HIVEP3: variants seen among roughly 807,000 people sequenced by gnomAD.
HIVEP3 encodes the protein HIVEP zinc finger 3.
Under a neutral mutation model 152.8 loss-of-function variants are expected in HIVEP3, and 49 were observed. The ratio of observed to expected loss-of-function variants is 0.32; its 90% CI spans 0.26 to 0.41. HIVEP3 has a LOEUF of 0.41. HIVEP3 is among the 10% of genes least tolerant of loss of function. The pLI is 1.00. For missense variants in HIVEP3, 2,790 were observed against 3,103.3 expected, an observed-to-expected ratio of 0.90 and a Z score of 2.40; for synonymous variants, 1,269 against 1,289.0, an observed-to-expected ratio of 0.98 and a Z score of 0.33.
At chr1:42,007,149 T>C (rs1226478772) in intron 1 of HIVEP3, among the ~76,000 whole-genome samples, 2 of 152,150 alleles carry the variant, frequency 1.3e-5, no homozygotes, top group Admixed American at 6.5e-5. Context: ...CTTGGGTCTA[T>C]GCCCTCTGCT....
At chr1:41,865,335 T>G (rs1486933210) in intron 1 of HIVEP3, among the ~76,000 whole-genome samples, 1 of 152,210 alleles carries the variant, frequency 6.6e-6, no homozygotes, top group Non-Finnish European at 1.5e-5. Context: ...AGCCCACCTG[T>G]CAAATGCCAT....
chr1:41,794,053 G>A (rs1208494770), intron 1 of HIVEP3, among the ~76,000 whole-genome samples: 3 of 152,168 alleles, frequency 2.0e-5, no homozygotes, highest in Admixed American at 1.3e-4. Flanking sequence ...AAGTAATCCT[G>A]TATTAGTCAG....
intron 2 of HIVEP3, among the ~76,000 whole-genome samples, chr1:41,655,505 C>T (rs1645614668): frequency 6.8e-6 from 1 of 146,508 alleles, no homozygotes; most frequent in African/African-American, 2.6e-5. Flanking sequence ...ATTGCTTGAA[C>T]CCAGGAGGCG....
chr1:41,596,461 A>T (rs1032384437), intron 3 of HIVEP3, among the ~76,000 whole-genome samples: 2 of 152,158 alleles, frequency 1.3e-5, no homozygotes, highest in Non-Finnish European at 2.9e-5. Flanking sequence ...GAAGCCTGGG[A>T]TGTCTGCCTT....
chr1:41,829,084 G>A (rs1192230093), intron 1 of HIVEP3, among the ~76,000 whole-genome samples: 1 of 151,864 alleles, frequency 6.6e-6, no homozygotes, highest in Non-Finnish European at 1.5e-5. Context: ...ATGACCCACT[G>A]GCTTGGCCTG....
intron 2 of HIVEP3, among the ~76,000 whole-genome samples, chr1:41,658,104 T>G (rs1430974960): frequency 6.6e-6 from 1 of 152,176 alleles, no homozygotes; most frequent in Non-Finnish European, 1.5e-5. Flanking sequence ...CTCAGACCAT[T>G]TTCTCACAAC....
chr1:41,643,296 A>G (rs1645404307), intron 2 of HIVEP3, among the ~76,000 whole-genome samples: 2 of 152,164 alleles, frequency 1.3e-5, no homozygotes, highest in African/African-American at 4.8e-5. Flanking sequence ...TCTAACCCTC[A>G]TCCAGAGCTT....
intron 1 of HIVEP3, among the ~76,000 whole-genome samples, chr1:41,837,778 A>G (rs188833952): frequency 6.6e-6 from 1 of 152,338 alleles, no homozygotes; most frequent in Non-Finnish European, 1.5e-5. Flanking sequence ...GCCCTGGAAC[A>G]GTGCCTGGTA....
chr1:41,929,684 G>A (rs1460997484), intron 1 of HIVEP3, among the ~76,000 whole-genome samples: 4 of 145,184 alleles, frequency 2.8e-5, no homozygotes, highest in African/African-American at 7.7e-5. Context: ...CTATATTTCC[G>A]TATCTATCAG....
intron 1 of HIVEP3, among the ~76,000 whole-genome samples, chr1:41,733,620 G>A (rs913683784): frequency 2.0e-5 from 3 of 152,226 alleles, no homozygotes; most frequent in Non-Finnish European, 4.4e-5. Context: ...CTCTTGGGGC[G>A]TTGCCCTGGG....
intron 1 of HIVEP3, among the ~76,000 whole-genome samples, chr1:41,830,822 T>C (rs1642942694): frequency 6.6e-6 from 1 of 152,128 alleles, no homozygotes; most frequent in African/African-American, 2.4e-5. Context: ...GAAGCCAACC[T>C]GTGACAGTGG....
chr1:41,573,769 G>C (rs1355020140), intron 5 of HIVEP3, among the ~76,000 whole-genome samples: 2 of 152,160 alleles, frequency 1.3e-5, no homozygotes, highest in Admixed American at 1.3e-4. Flanking sequence ...GGGAGAGCTG[G>C]GGGGCTAGTC....
chr1:41,854,419 A>G (rs1028763252), intron 1 of HIVEP3, among the ~76,000 whole-genome samples: 17 of 150,856 alleles, frequency 1.1e-4, no homozygotes, highest in African/African-American at 3.9e-4. Flanking sequence ...CCCCCACCCC[A>G]CTGACTCCTG....
intron 3 of HIVEP3, among the ~76,000 whole-genome samples, chr1:41,611,790 C>A (rs540978033): frequency 6.6e-6 from 1 of 152,186 alleles, no homozygotes; most frequent in Non-Finnish European, 1.5e-5. Context: ...GATTCCATAT[C>A]GGAAAAATAT....
chr1:41,777,755 T>C (rs1380993363), intron 1 of HIVEP3, among the ~76,000 whole-genome samples: 1 of 152,238 alleles, frequency 6.6e-6, no homozygotes, highest in Non-Finnish European at 1.5e-5. Context: ...TGCTGGGGGC[T>C]TCTTAGTATC....
intron 1 of HIVEP3, among the ~76,000 whole-genome samples, chr1:41,924,136 G>A (rs1311841473): frequency 2.0e-5 from 3 of 152,194 alleles, no homozygotes; most frequent in Non-Finnish European, 4.4e-5. Context: ...TAGGACTGAC[G>A]TAGGAGACGG....
chr1:42,009,894 G>A (rs879795631), intron 1 of HIVEP3, among the ~76,000 whole-genome samples: 9 of 151,880 alleles, frequency 5.9e-5, no homozygotes, highest in Non-Finnish European at 1.5e-5. Flanking sequence ...TCTCAATTTT[G>A]TCTCATTTAC....
chr1:41,534,885 G>T (rs1303744987), intron 5 of HIVEP3, among the ~76,000 whole-genome samples: 1 of 152,222 alleles, frequency 6.6e-6, no homozygotes, highest in Non-Finnish European at 1.5e-5. Context: ...CAGAGCGGGA[G>T]AGGTGGGCAG....
chr1:41,563,455 T>C (rs1401159132), intron 5 of HIVEP3, among the ~76,000 whole-genome samples: 2 of 152,152 alleles, frequency 1.3e-5, no homozygotes, highest in Non-Finnish European at 2.9e-5. Context: ...TCCCTGACTT[T>C]TTCCTGCGGC....
Sources: gnomAD v4.1 joint callset for allele counts (sites outside exome capture counted in the v4.1 genomes callset) on GRCh38, gnomAD v4.1.1 for gene constraint, MANE v1.5 for transcripts, NCBI Gene and HGNC (gene_info 2026-07-23, HGNC 2026-07-21) for gene names.